The following SS18L1 variants were observed in gnomAD, a reference collection of about 807,000 sequenced individuals.
SS18L1 encodes the protein SS18L1 subunit of BAF chromatin remodeling complex.
SS18L1 carries 32 observed loss-of-function variants against 70.3 expected under a neutral mutation model. The ratio of observed to expected loss-of-function variants is 0.46; its 90% CI spans 0.34 to 0.61. SS18L1 has a LOEUF of 0.61. Ranked by LOEUF, SS18L1 falls within the 20% of genes least tolerant of loss-of-function variation. The probability of loss-of-function intolerance (pLI) is 0.01; values close to 1 mark genes in which losing one functional copy is unlikely to be tolerated. For synonymous variants in SS18L1, 237 were observed against 229.7 expected (o/e 1.03, Z -0.29); for missense variants, 430 against 542.1 (o/e 0.79, Z 2.05).
intron 10 of SS18L1, among the ~76,000 whole-genome samples, chr20:62,177,134 T>G (rs530778728): frequency 3.3e-5 from 5 of 152,238 alleles, no homozygotes; most frequent in Non-Finnish European, 7.4e-5. Flanking sequence ...CTTAAACATG[T>G]GCTGAGGCGG....
chr20:62,177,958 G>T (rs2057648369), intron 10 of SS18L1, among the ~76,000 whole-genome samples: 1 of 150,708 alleles, frequency 6.6e-6, no homozygotes, highest in Non-Finnish European at 1.5e-5. Flanking sequence ...CTGACCTCAG[G>T]TGATCCTTCC....
At chr20:62,151,991 GCCTCCCCCGTTCCCCTCTTTTCCCGC>G (rs2057141670) in intron 1 of SS18L1, among the ~76,000 whole-genome samples, 5 of 150,602 alleles carry the variant, frequency 3.3e-5, no homozygotes, top group South Asian at 2.1e-4. Flanking sequence ...CCCAGGGCTG[GCCTCCCCCGTTCCCCTCTTTTCCCGC>G]TCCCCAGAGC....
chr20:62,179,199 C>G lies in SS18L1; in HGVS notation c.1182C>G (p.Tyr394Ter), dbSNP rs773101549. The G allele has an allele frequency of 1.2e-6, 2 of 1,614,166 alleles. No individual in the cohort carries two copies. The highest frequency in any genetic ancestry group is 2.2e-5 in the East Asian group (1 of 44,880). The change falls in exon 11 of 11, where the codon TAC (tyrosine) becomes TAG (stop). Residue 394 changes from tyrosine to a stop codon, truncating the protein, a stop_gained. Coordinates refer to ENST00000331758, the MANE Select transcript of SS18L1 (RefSeq NM_198935.3). LOFTEE classifies it high-confidence loss of function. ...YGYEQGQYGN[Y>*]QQ ...TCTTTTAGGGCCAGTATGGAAATTA[C>G]CAGCAGTAAGGGACACACATTCTGG...
intron 3 of SS18L1, 143 bp downstream of exon 3, chr20:62,160,104 G>A: frequency 1.2e-6 from 1 of 847,354 alleles, no homozygotes. Flanking sequence ...AGAAATGGGA[G>A]TGTGGGCGGT....
Position 62,158,543 on chromosome 20 carries a change from T to C in SS18L1, c.70-129T>C. On this transcript the variant is annotated intron_variant, in intron 1 of 10. Coordinates refer to ENST00000331758, the MANE Select transcript of SS18L1 (RefSeq NM_198935.3). The surrounding 1 kb of genome is among the most constrained non-coding windows in gnomAD (Gnocchi z 4.5). Reference sequence around the variant, plus strand: ...AGATATCCCCAAATCTGGAAAAATCTGAAATCTGACACGTTTCACGTAAGG... The same window carrying C: ...AGATATCCCCAAATCTGGAAAAATCCGAAATCTGACACGTTTCACGTAAGG... The C allele has an allele frequency of 6.3e-6, 9 of 1,431,606 alleles. No homozygotes were observed. The highest frequency in any genetic ancestry group is 8.4e-6 in the Non-Finnish European group (9 of 1,069,966). The allele number at this position is 1,431,606 out of a possible 1,614,324, so 88.7% of individuals were successfully genotyped here.
At chr20:62,147,787 G>A (rs1286450212) in intron 1 of SS18L1, among the ~76,000 whole-genome samples, 1 of 152,060 alleles carries the variant, frequency 6.6e-6, no homozygotes, top group Non-Finnish European at 1.5e-5. Flanking sequence ...CCCAGGGTCC[G>A]AGAGCCAGGG....
chr20:62,162,940 T>C lies in SS18L1; in HGVS notation c.556+9T>C. On this transcript the variant is annotated intron_variant, in intron 5 of 10. Coordinates refer to ENST00000331758, the MANE Select transcript of SS18L1 (RefSeq NM_198935.3). ...CATGCAGTCCAACCCAGGTACCTAC[T>C]CTGCCTCTGCAACCCCGGGGGGCCT... The C allele has an allele frequency of 6.2e-7, 1 of 1,611,384 alleles. No individual in the cohort carries two copies.
intron 8 of SS18L1, among the ~76,000 whole-genome samples, chr20:62,172,460 G>C (rs540463093): frequency 5.9e-5 from 9 of 152,298 alleles, no homozygotes; most frequent in South Asian, 4.1e-4. Context: ...GTTCATCTCT[G>C]TCTTAGTTGT....
intron 8 of SS18L1, 76 bp from the exon 9 acceptor site, chr20:62,172,606 G>A: frequency 6.2e-7 from 1 of 1,604,288 alleles, no homozygotes; most frequent in Non-Finnish European, 8.5e-7. Flanking sequence ...AAGTTACCGT[G>A]TCGTGAGTGG....
chr20:62,151,917 C>T (rs113588791), intron 1 of SS18L1, among the ~76,000 whole-genome samples: 1,623 of 144,724 alleles, frequency 0.011, 18 homozygotes, highest in South Asian at 0.031. Context: ...GAGCTGGCCT[C>T]CCCCGTTCTC....
chr20:62,155,400 G>A (rs113510556), intron 1 of SS18L1, among the ~76,000 whole-genome samples: 4 of 152,208 alleles, frequency 2.6e-5, no homozygotes, highest in African/African-American at 4.8e-5. Context: ...GTGACAGAGC[G>A]AGACCCTGTC....
Position 62,174,578 on chromosome 20 carries a change from C to T in SS18L1, c.1098C>T (p.Tyr366=), listed in dbSNP as rs199685307. Residue 366 remains tyrosine (Y), a synonymous_variant, in exon 10 of 11, where the codon TAC becomes TAT. Transcript: ENST00000331758. This position sits in a 1 kb window ranked among gnomAD's most constrained non-coding sequence, Gnocchi z 4.1. ...PGYQQGQGQQ[Y]GSYRAPQTAP... is the part of the protein sequence containing the mutation. The stretch of plus-strand genomic sequence containing the variant: ...ACCAGCAAGGCCAAGGCCAGCAGTA[C>T]GGAAGCTACCGAGCACCGCAGACAG... The T allele has an allele frequency of 3.7e-5, 59 of 1,613,882 alleles. No homozygotes were observed. The highest frequency in any genetic ancestry group is 2.7e-4 in the East Asian group (12 of 44,868).
intron 1 of SS18L1, among the ~76,000 whole-genome samples, chr20:62,153,260 T>C (rs1254022477): frequency 6.6e-6 from 1 of 152,160 alleles, no homozygotes; most frequent in Non-Finnish European, 1.5e-5. Flanking sequence ...TCCCACTGGG[T>C]TCCTCCCACG....
chr20:62,144,008 G>T, intron 1 of SS18L1, 119 bp downstream of exon 1: 3 of 617,470 alleles, frequency 4.9e-6, no homozygotes, highest in Non-Finnish European at 6.0e-6. Context: ...CAGCCGGGCG[G>T]CCGCGAGCCC....
chr20:62,144,270 G>T (rs1204052581), intron 1 of SS18L1, among the ~76,000 whole-genome samples: 1 of 152,064 alleles, frequency 6.6e-6, no homozygotes, highest in African/African-American at 2.4e-5. Flanking sequence ...GACCCCTCGG[G>T]GCCGGAGCCG....
At chr20:62,144,752 C>T (rs2056993102) in intron 1 of SS18L1, among the ~76,000 whole-genome samples, 2 of 152,252 alleles carry the variant, frequency 1.3e-5, no homozygotes, top group Admixed American at 1.3e-4. Flanking sequence ...GCTGTTTTTT[C>T]TGTAGAAGAC....
Position 62,179,434 on chromosome 20 carries a change from T to C in SS18L1, c.*226T>C. The C allele has an allele frequency of 1.7e-6, 1 of 579,714 alleles. No individual in the cohort carries two copies. Among genetic ancestry groups the C allele is most frequent in the Non-Finnish European group, 3.1e-6 (1 of 323,216 alleles). The allele number at this position is 579,714 out of a possible 1,614,324, so 35.9% of individuals were successfully genotyped here. On this transcript the variant is annotated 3_prime_UTR_variant, in exon 11 of 11. Transcript: ENST00000331758. ...ACTTTTGGTGCTGTGTATAGTATTG[T>C]ATGTCGGTACACGGAGAGGTATCCT...
chr20:62,177,513 C>T (rs6121527), intron 10 of SS18L1, among the ~76,000 whole-genome samples: 11,157 of 152,296 alleles, frequency 0.073, 501 homozygotes, highest in South Asian at 0.2. Flanking sequence ...CCCTCCCCCA[C>T]TTCCTCGCTG....
At chr20:62,149,380 G>A (rs2057088052) in intron 1 of SS18L1, among the ~76,000 whole-genome samples, 1 of 152,246 alleles carries the variant, frequency 6.6e-6, no homozygotes, top group African/African-American at 2.4e-5. Flanking sequence ...TAGGAAGGGG[G>A]CTCCTGTGAC....
Sources: allele counts gnomAD v4.1 joint callset (sites outside exome capture counted in the v4.1 genomes callset), GRCh38; gene constraint gnomAD v4.1.1; non-coding constraint Gnocchi (gnomAD v3.1); transcripts MANE v1.5; gene names NCBI Gene and HGNC (gene_info 2026-07-23, HGNC 2026-07-21).